PRTFDC1: variants seen among roughly 807,000 people sequenced by gnomAD.
PRTFDC1 encodes phosphoribosyl transferase domain containing 1, also known as phosphoribosyltransferase domain-containing protein 1.
PRTFDC1 carries 38 observed loss-of-function variants against 34.6 expected under a neutral mutation model. The ratio of observed to expected loss-of-function variants is 1.10; its 90% CI spans 0.85 to 1.44. The LOEUF (loss-of-function observed/expected upper bound fraction) is 1.44. Ranked by LOEUF, PRTFDC1 falls within the 40% of genes most tolerant of loss-of-function variation. The probability of loss-of-function intolerance (pLI) is 0.00; values close to 1 mark genes in which losing one functional copy is unlikely to be tolerated. For synonymous variants in PRTFDC1, 93 were observed against 98.1 expected (o/e 0.95, Z 0.31); for missense variants, 270 against 283.0 (o/e 0.95, Z 0.33).
At chr10:24,928,459 C>T (rs1009050350) in intron 3 of PRTFDC1, among the ~76,000 whole-genome samples, 14 of 151,954 alleles carry the variant, frequency 9.2e-5, no homozygotes, top group Non-Finnish European at 1.6e-4. Flanking sequence ...CTTTTTTTCT[C>T]TTAAGACAGA....
chr10:24,921,328 CTA>C (rs1394185990), intron 3 of PRTFDC1, among the ~76,000 whole-genome samples: 6 of 151,998 alleles, frequency 3.9e-5, no homozygotes, highest in Admixed American at 6.6e-5. Flanking sequence ...TGCCTTCTAG[CTA>C]TCTTTCCTAA....
At chr10:24,862,038 A>G (rs1035148260) in intron 4 of PRTFDC1, among the ~76,000 whole-genome samples, 1 of 152,090 alleles carries the variant, frequency 6.6e-6, no homozygotes, top group Non-Finnish European at 1.5e-5. Flanking sequence ...TAAATATAAA[A>G]CATTATAAAA....
chr10:24,928,733 C>T (rs996315966), intron 3 of PRTFDC1, among the ~76,000 whole-genome samples: 1 of 151,630 alleles, frequency 6.6e-6, no homozygotes, highest in Non-Finnish European at 1.5e-5. Flanking sequence ...TGTGAGCCAC[C>T]GTGCCAAGAA....
chr10:24,869,805 A>G (rs1482315938), intron 4 of PRTFDC1, among the ~76,000 whole-genome samples: 1 of 152,024 alleles, frequency 6.6e-6, no homozygotes, highest in Admixed American at 6.6e-5. Context: ...CCACCTCTCA[A>G]CTAACCAGCT....
intron 3 of PRTFDC1, among the ~76,000 whole-genome samples, chr10:24,921,626 C>T (rs750304157): frequency 1.4e-4 from 21 of 151,620 alleles, no homozygotes; most frequent in Non-Finnish European, 2.9e-4. Context: ...TACTGTTGTG[C>T]CCTTTTCCTC....
intron 4 of PRTFDC1, among the ~76,000 whole-genome samples, chr10:24,860,852 A>G (rs976612654): frequency 8.5e-5 from 13 of 152,196 alleles, no homozygotes; most frequent in Non-Finnish European, 1.3e-4. Context: ...ACGCTTACCA[A>G]TCAGACCTAT....
intron 3 of PRTFDC1, chr10:24,908,268 T>G: frequency 1.9e-6 from 1 of 522,268 alleles, no homozygotes; most frequent in Non-Finnish European, 3.3e-6. Flanking sequence ...GCCCTCTGTC[T>G]TTTACGGAAT....
chr10:24,914,407 A>G (rs1588611585), intron 3 of PRTFDC1, among the ~76,000 whole-genome samples: 1 of 152,188 alleles, frequency 6.6e-6, no homozygotes, highest in East Asian at 1.9e-4. Flanking sequence ...GCCAACACCC[A>G]TGTGTACTGA....
intron 3 of PRTFDC1, among the ~76,000 whole-genome samples, chr10:24,872,776 A>ATG (rs377737878): frequency 0.28 from 24,245 of 87,822 alleles, 2,912 homozygotes; most frequent in Non-Finnish European, 0.3. Context: ...GTATATATAT[A>ATG]TGTGTGTGTG....
intron 3 of PRTFDC1, among the ~76,000 whole-genome samples, chr10:24,923,997 G>A (rs537005082): frequency 2.0e-4 from 30 of 152,264 alleles, no homozygotes; most frequent in African/African-American, 6.5e-4. Flanking sequence ...CGAGAACTTC[G>A]TGACGCATGC....
intron 3 of PRTFDC1, among the ~76,000 whole-genome samples, chr10:24,913,322 T>A (rs1397918991): frequency 6.6e-6 from 1 of 152,212 alleles, no homozygotes; most frequent in African/African-American, 2.4e-5. Flanking sequence ...GTCTTGAGGT[T>A]CTTACTGTTC....
intron 3 of PRTFDC1, among the ~76,000 whole-genome samples, chr10:24,929,451 C>T (rs1443077640): frequency 6.6e-6 from 1 of 152,164 alleles, no homozygotes; most frequent in African/African-American, 2.4e-5. Context: ...TCCAAAAAAT[C>T]TCTTGGTGTT....
intron 3 of PRTFDC1, among the ~76,000 whole-genome samples, chr10:24,901,333 C>A (rs529177025): frequency 2.6e-5 from 4 of 152,094 alleles, no homozygotes; most frequent in African/African-American, 7.2e-5. Flanking sequence ...GTGAAGGAAC[C>A]CAGCAGGCCT....
chr10:24,909,877 G>A (rs1245298406), intron 3 of PRTFDC1, among the ~76,000 whole-genome samples: 5 of 151,992 alleles, frequency 3.3e-5, no homozygotes, highest in African/African-American at 4.8e-5. Flanking sequence ...TTGGCCAGGC[G>A]TGTTGGCTCA....
intron 2 of PRTFDC1, among the ~76,000 whole-genome samples, chr10:24,941,208 T>C (rs911728241): frequency 6.6e-6 from 1 of 151,886 alleles, no homozygotes; most frequent in African/African-American, 2.4e-5. Flanking sequence ...CCTGTGCTAC[T>C]ATGCCTGACT....
At chr10:24,942,843 T>C (rs1849186627) in intron 1 of PRTFDC1, among the ~76,000 whole-genome samples, 1 of 152,138 alleles carries the variant, frequency 6.6e-6, no homozygotes, top group Non-Finnish European at 1.5e-5. Context: ...AGATGAGGTT[T>C]TGCCATGTTG....
chr10:24,904,241 C>G (rs1848496148), intron 3 of PRTFDC1, among the ~76,000 whole-genome samples: 1 of 144,366 alleles, frequency 6.9e-6, no homozygotes, highest in Non-Finnish European at 1.5e-5. Flanking sequence ...CACTAAGATT[C>G]TCTTTCATCT....
At chr10:24,859,114 C>T (rs970024850) in intron 4 of PRTFDC1, among the ~76,000 whole-genome samples, 4 of 152,102 alleles carry the variant, frequency 2.6e-5, no homozygotes, top group Admixed American at 1.3e-4. Context: ...GACTGGATCA[C>T]GGGGGTGGGT....
intron 5 of PRTFDC1, among the ~76,000 whole-genome samples, chr10:24,857,482 C>T (rs1332247558): frequency 6.6e-6 from 1 of 152,182 alleles, no homozygotes; most frequent in African/African-American, 2.4e-5. Context: ...TGGTGACAGC[C>T]TGTGAATTCT....
Sources: allele counts gnomAD v4.1 joint callset (sites outside exome capture counted in the v4.1 genomes callset), GRCh38; gene constraint gnomAD v4.1.1; transcripts MANE v1.5; gene names NCBI Gene and HGNC (gene_info 2026-07-23, HGNC 2026-07-21).